TPCN1: variants seen among roughly 807,000 people sequenced by gnomAD.
TPCN1 encodes two pore channel protein 1.
A neutral mutation model predicts 108.8 loss-of-function variants in TPCN1; 52 were observed. The observed-to-expected ratio is 0.48, with a 90% CI of 0.38 to 0.60. TPCN1 has a LOEUF of 0.60. Among genes scored for constraint, TPCN1 ranks in the 20% least tolerant of loss-of-function variants. The probability of loss-of-function intolerance (pLI) is 0.00; values close to 1 mark genes in which losing one functional copy is unlikely to be tolerated. For synonymous variants in TPCN1, 446 were observed against 433.7 expected (o/e 1.03, Z -0.35); for missense variants, 806 against 1,072.8 (o/e 0.75, Z 3.47).
rs1955844333 is a variant in TPCN1 at position 113,280,312 on chromosome 12, GA to G, written c.1342+119del. ...CCTGTGTTTGACTTTTTATTGTGGG[GA>G]ATTCCCAGCATGTATAAAAGTGAAG... On this transcript the variant is annotated intron_variant, in intron 15 of 27. Coordinates refer to ENST00000335509, the MANE Select transcript of TPCN1 (RefSeq NM_017901.6). The G allele has an allele frequency of 1.2e-5, 9 of 756,432 alleles. No individual in the cohort carries two copies. In the East Asian group the frequency reaches 2.3e-4, roughly 20 times the overall value. The allele number at this position is 756,432 out of a possible 1,614,324, so 46.9% of individuals were successfully genotyped here.
chr12:113,250,097 T>C lies in TPCN1; in HGVS notation c.113-10271T>C, dbSNP rs201662427. 39 of 152,326 alleles carry C rather than the reference T, an allele frequency of 2.6e-4. No homozygotes were observed. In the East Asian group the frequency reaches 6.7e-3, roughly 26 times the overall value. 9.4% of individuals were successfully genotyped at this position (152,326 alleles called of 1,614,324 possible). On this transcript the variant is annotated intron_variant, in intron 2 of 27. Coordinates refer to ENST00000335509, the MANE Select transcript of TPCN1 (RefSeq NM_017901.6). ...TTTAGCGGAAGCTGAGCTGCTGAGA[T>C]TGGGGCTAGATTTGGGGGCTGCAGT...
intron 4 of TPCN1, among the ~76,000 whole-genome samples, 177 bp from the exon 5 acceptor site, chr12:113,267,666 T>G (rs1382052479): frequency 2.0e-5 from 3 of 152,218 alleles, no homozygotes; most frequent in Non-Finnish European, 4.4e-5. Context: ...TTAGTTGTTC[T>G]GGGGAAAGCT....
intron 3 of TPCN1, among the ~76,000 whole-genome samples, chr12:113,260,722 A>C (rs1322329691): frequency 6.6e-6 from 1 of 152,134 alleles, no homozygotes; most frequent in Non-Finnish European, 1.5e-5. Flanking sequence ...GCCAACCCCC[A>C]CAATTTCCGG....
At position 113,266,321 on chromosome 12, in the gene TPCN1, G is replaced by GC; in HGVS notation, c.384dup (p.Ala129ArgfsTer26). The GC allele has an allele frequency of 6.2e-7, 1 of 1,610,816 alleles. No individual in the cohort carries two copies. The highest frequency in any genetic ancestry group is 2.2e-5 in the East Asian group (1 of 44,868). ...GCTGCTGCTGCTCTCCCTGTGCGAG[G>GC]CCCCCGCCGTCCCCGCACTCCGGCT... On this transcript the variant is annotated frameshift_variant, in exon 4 of 28. Transcript: ENST00000335509. LOFTEE classifies it high-confidence loss of function. The surrounding 1 kb of genome is among the most constrained non-coding windows in gnomAD (Gnocchi z 4.2).
chr12:113,260,640 G>A (rs1288214100), intron 3 of TPCN1, 148 bp downstream of exon 3: 1 of 1,086,758 alleles, frequency 9.2e-7, no homozygotes, highest in Non-Finnish European at 1.3e-6. Context: ...CATAAGATGG[G>A]CTGACCTGAC....
intron 23 of TPCN1, among the ~76,000 whole-genome samples, chr12:113,291,315 C>T (rs1956259830): frequency 6.6e-6 from 1 of 152,216 alleles, no homozygotes; most frequent in Non-Finnish European, 1.5e-5. Flanking sequence ...GACAAAGTGG[C>T]GAGCATTGCT....
chr12:113,251,453 CCT>C (rs1235448452), intron 2 of TPCN1, among the ~76,000 whole-genome samples: 1 of 152,206 alleles, frequency 6.6e-6, no homozygotes, highest in African/African-American at 2.4e-5. Context: ...GCAGAAACAC[CCT>C]GTGAAGTCCA....
chr12:113,258,291 C>T (rs1466410891), intron 2 of TPCN1, among the ~76,000 whole-genome samples: 1 of 152,038 alleles, frequency 6.6e-6, no homozygotes, highest in East Asian at 1.9e-4. Context: ...ACATGCTAAA[C>T]CCTGTCTCTA....
In TPCN1 at chr12:113,293,018, C is replaced by T. The variant is rs1210956825; in HGVS notation, c.2198C>T (p.Ala733Val). Reference protein sequence around the residue: ...VLELYREARGASSDVTRLLET... With the variant: ...VLELYREARGVSSDVTRLLET... ...GAGCTCTACCGGGAGGCACGGGGGGCCTCCTCGGATGTCACCAGGCTGCTG... is the reference window on the plus strand; with the variant it reads ...GAGCTCTACCGGGAGGCACGGGGGGTCTCCTCGGATGTCACCAGGCTGCTG... Residue 733 changes from alanine (A) to valine (V), a missense_variant, in exon 26 of 28, where the codon GCC (alanine) becomes GTC (valine). Physicochemically the swap from Ala to Val is moderately conservative, Grantham distance 64. Transcript: ENST00000335509. The T allele has an allele frequency of 3.7e-6, 6 of 1,613,070 alleles. No homozygotes were observed. The highest frequency in any genetic ancestry group is 2.7e-5 in the African/African-American group (2 of 74,912).
In TPCN1 at chr12:113,232,257, G is replaced by A. The variant is rs895414098; in HGVS notation, c.112+5293G>A. ...GCCGATGCCTGGCACATCATCTGGA[G>A]TTCCCTAGGACACAGTGCAGCCTCA... On this transcript the variant is annotated intron_variant, in intron 2 of 27. Coordinates refer to ENST00000335509, the MANE Select transcript of TPCN1 (RefSeq NM_017901.6). The surrounding 1 kb of genome is among the most constrained non-coding windows in gnomAD (Gnocchi z 5.6). Among the ~76,000 whole-genome samples, 4 of 152,244 alleles carry A rather than the reference G, an allele frequency of 2.6e-5. No homozygotes were observed. Among genetic ancestry groups the A allele is most frequent in the Non-Finnish European group, 5.9e-5 (4 of 68,042 alleles).
At chr12:113,240,706 A>T in intron 2 of TPCN1, among the ~76,000 whole-genome samples, 1 of 151,204 alleles carries the variant, frequency 6.6e-6, no homozygotes, top group East Asian at 1.9e-4. Context: ...GTTGTGTTGC[A>T]GGGAGAATTA....
At chr12:113,274,188 C>A (rs112695200) in intron 10 of TPCN1, among the ~76,000 whole-genome samples, 126 of 152,308 alleles carry the variant, frequency 8.3e-4, no homozygotes, top group Non-Finnish European at 1.6e-3. Flanking sequence ...CATGGTGGCT[C>A]ACGCCTGTAA....
chr12:113,277,627 C>T (rs775143999), intron 12 of TPCN1, among the ~76,000 whole-genome samples: 5 of 152,202 alleles, frequency 3.3e-5, no homozygotes, highest in Non-Finnish European at 7.3e-5. Context: ...TGCTGGCCCT[C>T]GAACCCCCAG....
At chr12:113,294,803 C>T (rs1196581482) in intron 27 of TPCN1, among the ~76,000 whole-genome samples, 1 of 152,206 alleles carries the variant, frequency 6.6e-6, no homozygotes, top group African/African-American at 2.4e-5. Flanking sequence ...TCTTCTCAAC[C>T]ACCTCAGGGT....
At chr12:113,290,809 T>C (rs1266820953) in intron 22 of TPCN1, 143 bp from the exon 23 acceptor site, 1 of 774,986 alleles carries the variant, frequency 1.3e-6, no homozygotes, top group African/African-American at 1.7e-5. Context: ...GCCTGGTCTT[T>C]CCTGGAGCTC....
intron 2 of TPCN1, among the ~76,000 whole-genome samples, chr12:113,246,319 T>C (rs992247230): frequency 6.6e-6 from 1 of 152,194 alleles, no homozygotes; most frequent in Non-Finnish European, 1.5e-5. Flanking sequence ...CCTGTCCTCT[T>C]GGTCTGGTTT....
At chr12:113,246,068 T>G (rs1429726965) in intron 2 of TPCN1, 2 of 455,840 alleles carry the variant, frequency 4.4e-6, no homozygotes, top group Admixed American at 2.4e-5. Context: ...AAACAGGTCA[T>G]TCTGGTTTGT....
intron 15 of TPCN1, among the ~76,000 whole-genome samples, chr12:113,282,626 C>A (rs547576043): frequency 2.7e-5 from 4 of 149,730 alleles, no homozygotes; most frequent in African/African-American, 9.8e-5. Flanking sequence ...TATGGTGGCT[C>A]ACACCTGTAG....
Position 113,273,749 on chromosome 12 carries a change from G to A in TPCN1, c.942+81G>A. 1 of 1,135,258 alleles carries A rather than the reference G, an allele frequency of 8.8e-7. No individual in the cohort carries two copies. The allele number at this position is 1,135,258 out of a possible 1,614,324, so 70.3% of individuals were successfully genotyped here. ...CTAGGCACTGTGGGAGTGGAGAAGT[G>A]GGGACTGTCTTCTGCCTCTCAGGGC... On this transcript the variant is annotated intron_variant, in intron 10 of 27. Coordinates refer to ENST00000335509, the MANE Select transcript of TPCN1 (RefSeq NM_017901.6). This position sits in a 1 kb window ranked among gnomAD's most constrained non-coding sequence, Gnocchi z 4.0.
Sources: gnomAD v4.1 joint callset for allele counts (sites outside exome capture counted in the v4.1 genomes callset) on GRCh38, gnomAD v4.1.1 for gene constraint, Gnocchi (gnomAD v3.1) non-coding constraint, MANE v1.5 for transcripts, NCBI Gene and HGNC (gene_info 2026-07-23, HGNC 2026-07-21) for gene names.